The following MON2 variants were observed in gnomAD, a reference collection of about 807,000 sequenced individuals.
MON2 encodes the protein MON2 regulator of endosome-to-Golgi trafficking, also known as protein MON2 homolog.
MON2 carries 84 observed loss-of-function variants against 208.6 expected under a neutral mutation model. The ratio of observed to expected loss-of-function variants is 0.40; its 90% CI spans 0.34 to 0.48. The LOEUF is 0.48. Among genes scored for constraint, MON2 ranks in the 20% least tolerant of loss-of-function variants. The probability of loss-of-function intolerance (pLI) is 0.59; values close to 1 mark genes in which losing one functional copy is unlikely to be tolerated. For synonymous variants in MON2, 660 were observed against 694.0 expected (o/e 0.95, Z 0.77); for missense variants, 1,611 against 2,015.4 (o/e 0.80, Z 3.84).
At chr12:62,496,110 GT>G (rs2070469535) in intron 4 of MON2, among the ~76,000 whole-genome samples, 1 of 152,208 alleles carries the variant, frequency 6.6e-6, no homozygotes, top group Admixed American at 6.5e-5. Flanking sequence ...ACATTAAGCT[GT>G]GTATACTATA....
At chr12:62,473,278 A>G (rs2068886243) in intron 1 of MON2, among the ~76,000 whole-genome samples, 1 of 150,726 alleles carries the variant, frequency 6.6e-6, no homozygotes, top group African/African-American at 2.5e-5. Context: ...AAACTGGTAT[A>G]GACAGGTTTA....
intron 7 of MON2, among the ~76,000 whole-genome samples, chr12:62,503,477 C>T (rs1177855104): frequency 6.6e-6 from 1 of 152,182 alleles, no homozygotes; most frequent in Non-Finnish European, 1.5e-5. Flanking sequence ...TATGTTAATA[C>T]TTGTACCACT....
intron 1 of MON2, among the ~76,000 whole-genome samples, chr12:62,480,320 A>G (rs1196834996): frequency 6.6e-6 from 1 of 152,186 alleles, no homozygotes. Flanking sequence ...GCACTTTGGG[A>G]AGCTGAGACA....
chr12:62,486,793 A>G (rs1035688294), intron 2 of MON2, among the ~76,000 whole-genome samples: 1 of 152,304 alleles, frequency 6.6e-6, no homozygotes, highest in Non-Finnish European at 1.5e-5. Context: ...GCTCTAATGT[A>G]TGTCAAAAAT....
intron 23 of MON2, among the ~76,000 whole-genome samples, chr12:62,552,066 C>T (rs2073770343): frequency 6.6e-6 from 1 of 151,932 alleles, no homozygotes; most frequent in Non-Finnish European, 1.5e-5. Flanking sequence ...ATAGCATTTA[C>T]CTTATGTTAG....
At chr12:62,578,610 T>C in intron 31 of MON2, 105 bp downstream of exon 31, 1 of 701,936 alleles carries the variant, frequency 1.4e-6, no homozygotes, top group South Asian at 2.2e-5. Flanking sequence ...TAGGTTAAGA[T>C]TAAAACTGAA....
intron 3 of MON2, 38 bp from the exon 4 acceptor site, chr12:62,494,978 T>A (rs1303803206): frequency 1.3e-6 from 2 of 1,514,174 alleles, no homozygotes; most frequent in East Asian, 4.5e-5. Flanking sequence ...ACATCTATAT[T>A]GTATTTGTTG....
chr12:62,566,455 CTT>C lies in MON2; in HGVS notation c.4323+11_4323+12del, dbSNP rs757641905. The C allele has an allele frequency of 6.2e-7, 1 of 1,608,436 alleles. No individual in the cohort carries two copies. The highest frequency in any genetic ancestry group is 8.5e-7 in the Non-Finnish European group (1 of 1,177,800). Reference sequence around the variant, plus strand: ...GTGCTCCAGAATATTATTAAGGTATCTTTTTTTCATTTCTACACTTTCATTAG... The same window carrying C: ...GTGCTCCAGAATATTATTAAGGTATCTTTTTCATTTCTACACTTTCATTAG... On this transcript the variant is annotated splice_donor_region_variant and intron_variant, in intron 29 of 34. Coordinates refer to ENST00000393630, the MANE Select transcript of MON2 (RefSeq NM_015026.3).
At chr12:62,560,359 C>A in intron 25 of MON2, 132 bp from the exon 26 acceptor site, 1 of 861,160 alleles carries the variant, frequency 1.2e-6, no homozygotes, top group African/African-American at 1.7e-5. Context: ...ACCTTAGTAC[C>A]TAGTCATATA....
intron 1 of MON2, among the ~76,000 whole-genome samples, chr12:62,478,567 G>A (rs1027535193): frequency 6.6e-6 from 1 of 152,156 alleles, no homozygotes; most frequent in African/African-American, 2.4e-5. Context: ...TACAATTTGG[G>A]TTTGTATTTC....
intron 12 of MON2, among the ~76,000 whole-genome samples, chr12:62,533,618 G>A (rs2136221756): frequency 6.6e-6 from 1 of 152,274 alleles, no homozygotes; most frequent in Middle Eastern, 3.4e-3. Context: ...AGAACAAGAT[G>A]TTCCAGGCTG....
chr12:62,484,348 C>A, intron 2 of MON2, 115 bp downstream of exon 2: 1 of 653,424 alleles, frequency 1.5e-6, no homozygotes, highest in Non-Finnish European at 2.7e-6. Flanking sequence ...CATGCCCTAA[C>A]ATATGCTATT....
At chr12:62,534,542 A>AAGT (rs1555169522) in intron 12 of MON2, among the ~76,000 whole-genome samples, 1 of 22,850 alleles carries the variant, frequency 4.4e-5, no homozygotes, top group African/African-American at 2.0e-4. Context: ...AAAAAAAAAA[A>AAGT]ATATATATAT....
chr12:62,505,820 G>A (rs1446127289), intron 7 of MON2, among the ~76,000 whole-genome samples: 1 of 152,100 alleles, frequency 6.6e-6, no homozygotes, highest in Non-Finnish European at 1.5e-5. Flanking sequence ...GACCCCAGGA[G>A]GTCAAGGCTG....
At position 62,484,211 on chromosome 12, in the gene MON2, A is replaced by G; in HGVS notation, c.153A>G (p.Ala51=). ...SGIIKVKTIA[A]RNTEILAALK... ...TAATAAAAGTTAAAACAATTGCTGC[A>G]CGAAACACTGAAATTTTGGCAGGTA... The change falls in exon 2 of 35, where the codon GCA becomes GCG. Residue 51 remains alanine (A), a synonymous_variant. Transcript: ENST00000393630. 1.9e-6 allele frequency: 3 copies of G among 1,601,314 alleles called. No homozygotes were observed. The highest frequency in any genetic ancestry group is 2.6e-6 in the Non-Finnish European group (3 of 1,174,928).
At chr12:62,551,331 G>A (rs1024880716) in intron 23 of MON2, among the ~76,000 whole-genome samples, 1 of 152,088 alleles carries the variant, frequency 6.6e-6, no homozygotes, top group African/African-American at 2.4e-5. Flanking sequence ...TTTCACTGTT[G>A]TTGTATCTCA....
chr12:62,474,864 T>C (rs1388376291), intron 1 of MON2, among the ~76,000 whole-genome samples: 1 of 152,226 alleles, frequency 6.6e-6, no homozygotes, highest in Non-Finnish European at 1.5e-5. Flanking sequence ...TCTCTCTTTA[T>C]TCACTGTCAC....
chr12:62,477,671 C>T (rs1239256316), intron 1 of MON2, among the ~76,000 whole-genome samples: 1 of 151,996 alleles, frequency 6.6e-6, no homozygotes, highest in Non-Finnish European at 1.5e-5. Context: ...TCGCCTTGAC[C>T]TCCCAAAGTG....
At chr12:62,561,781 C>T (rs2074208261) in intron 26 of MON2, among the ~76,000 whole-genome samples, 1 of 152,052 alleles carries the variant, frequency 6.6e-6, no homozygotes, top group African/African-American at 2.4e-5. Context: ...CCAGCCATTC[C>T]AACAAAGTAA....
Sources: allele counts gnomAD v4.1 joint callset (sites outside exome capture counted in the v4.1 genomes callset), GRCh38; gene constraint gnomAD v4.1.1; transcripts MANE v1.5; gene names NCBI Gene and HGNC (gene_info 2026-07-23, HGNC 2026-07-21).